The following UST variants were observed in gnomAD, a reference collection of about 807,000 sequenced individuals.
UST encodes chondroitin sulfate 2-O-sulfotransferase.
UST carries 21 observed loss-of-function variants against 45.6 expected under a neutral mutation model. The observed-to-expected ratio is 0.46, with a 90% CI of 0.33 to 0.66. The LOEUF (loss-of-function observed/expected upper bound fraction) is 0.66, where lower values mean the gene tolerates loss of function less well. UST is among the 30% of genes least tolerant of loss of function. The pLI, the probability that UST is intolerant of heterozygous loss-of-function variation, is 0.02. For synonymous variants in UST, 215 were observed against 200.6 expected, an observed-to-expected ratio of 1.07 and a Z score of -0.61; for missense variants, 463 against 512.4, an observed-to-expected ratio of 0.90 and a Z score of 0.93.
rs575784253 is a variant in UST, at chr6:148,953,597, T to C, written c.448-275T>C. The stretch of plus-strand genomic sequence containing the variant: ...GAAGTTCGAGACCACGGTGAAACCC[T>C]GTCTCTACTAAAAAATACAAAAAAT... On this transcript the variant is annotated intron_variant, in intron 3 of 7. Transcript: ENST00000367463. Among the ~76,000 whole-genome samples the C allele has an allele frequency of 7.2e-5, 11 of 152,106 alleles. No homozygotes were observed. In the South Asian group the frequency reaches 1.9e-3, roughly 26 times the overall value.
chr6:148,994,757 G>C (rs1485225062), intron 5 of UST, among the ~76,000 whole-genome samples: 1 of 152,022 alleles, frequency 6.6e-6, no homozygotes, highest in Non-Finnish European at 1.5e-5. Flanking sequence ...CCCCCACCAG[G>C]CTCTTTTCCT....
At chr6:148,984,739 C>T (rs1377490181) in intron 5 of UST, among the ~76,000 whole-genome samples, 1 of 152,154 alleles carries the variant, frequency 6.6e-6, no homozygotes, top group South Asian at 2.1e-4. Context: ...TGACTCCTGG[C>T]CTTGAGCCAT....
At chr6:148,937,107 A>T (rs951929751) in intron 2 of UST, among the ~76,000 whole-genome samples, 8 of 152,232 alleles carry the variant, frequency 5.3e-5, no homozygotes, top group Admixed American at 4.6e-4. Context: ...GTTTCAATGC[A>T]TTACATAGGT....
intron 1 of UST, among the ~76,000 whole-genome samples, chr6:148,819,761 C>T (rs1582831542): frequency 6.6e-6 from 1 of 152,156 alleles, no homozygotes; most frequent in African/African-American, 2.4e-5. Context: ...TCTCTTCTTT[C>T]ATTGTACCAA....
chr6:148,846,091 T>C (rs1777982609), intron 1 of UST, among the ~76,000 whole-genome samples: 1 of 150,430 alleles, frequency 6.6e-6, no homozygotes, highest in Non-Finnish European at 1.5e-5. Flanking sequence ...GCCATCCCAT[T>C]ACTGGGTATA....
At chr6:148,908,193 G>A (rs528326378) in intron 2 of UST, among the ~76,000 whole-genome samples, 24 of 152,146 alleles carry the variant, frequency 1.6e-4, no homozygotes, top group African/African-American at 5.1e-4. Context: ...CATTTGGCTC[G>A]AGTCAAATCA....
chr6:148,888,043 AC>A (rs752253884), intron 2 of UST, among the ~76,000 whole-genome samples: 16 of 152,192 alleles, frequency 1.1e-4, no homozygotes, highest in Admixed American at 2.0e-4. Context: ...ATAAAGAAAT[AC>A]CCGAGACTGG....
chr6:148,807,989 T>C (rs984169960), intron 1 of UST, among the ~76,000 whole-genome samples: 2 of 152,170 alleles, frequency 1.3e-5, no homozygotes, highest in Non-Finnish European at 2.9e-5. Flanking sequence ...CAATGAATAC[T>C]TAACTGTAGG....
intron 2 of UST, among the ~76,000 whole-genome samples, chr6:148,928,213 A>G (rs1417032823): frequency 6.6e-6 from 1 of 151,944 alleles, no homozygotes; most frequent in Non-Finnish European, 1.5e-5. Flanking sequence ...TCTTGCCCTC[A>G]TTTTAAACTT....
chr6:148,858,667 G>T (rs1229891540), intron 1 of UST, among the ~76,000 whole-genome samples: 1 of 151,946 alleles, frequency 6.6e-6, no homozygotes, highest in African/African-American at 2.4e-5. Flanking sequence ...CCCACAACAG[G>T]CCCGGGCGTG....
intron 1 of UST, among the ~76,000 whole-genome samples, chr6:148,880,123 T>G (rs1408636401): frequency 6.7e-6 from 1 of 149,754 alleles, no homozygotes; most frequent in African/African-American, 2.5e-5. Context: ...CTCAGCTAAT[T>G]TTTGTATTTT....
intron 1 of UST, among the ~76,000 whole-genome samples, chr6:148,760,694 C>G (rs1776199554): frequency 6.6e-6 from 1 of 151,406 alleles, no homozygotes; most frequent in Non-Finnish European, 1.5e-5. Context: ...CAGTAACACC[C>G]CATAACCATA....
At chr6:148,879,968 G>A in intron 1 of UST, among the ~76,000 whole-genome samples, 1 of 33,172 alleles carries the variant, frequency 3.0e-5, no homozygotes, top group South Asian at 1.0e-3. Flanking sequence ...TTTTTTTTTT[G>A]ACAAGGTCTT....
At chr6:148,871,349 A>G (rs1330264621) in intron 1 of UST, among the ~76,000 whole-genome samples, 2 of 152,140 alleles carry the variant, frequency 1.3e-5, no homozygotes, top group African/African-American at 4.8e-5. Context: ...ACAGCAGTCC[A>G]AACTAAGACT....
intron 2 of UST, among the ~76,000 whole-genome samples, chr6:148,917,586 TC>T (rs983264938): frequency 3.3e-5 from 5 of 152,180 alleles, no homozygotes; most frequent in African/African-American, 7.2e-5. Context: ...TTAACCTGTG[TC>T]CCCAGTGACT....
chr6:149,016,559 A>T (rs1562330279), intron 5 of UST, among the ~76,000 whole-genome samples: 1 of 152,202 alleles, frequency 6.6e-6, no homozygotes, highest in Non-Finnish European at 1.5e-5. Flanking sequence ...CTGGAGATGC[A>T]GTGAACAGTC....
intron 5 of UST, chr6:149,005,452 G>A: frequency 1.4e-5 from 14 of 985,440 alleles, no homozygotes; most frequent in Non-Finnish European, 1.7e-5. Context: ...AACCTCAGCA[G>A]TGTCTCTCTG....
At chr6:149,021,790 C>A (rs754901685) in intron 7 of UST, among the ~76,000 whole-genome samples, 1 of 152,158 alleles carries the variant, frequency 6.6e-6, no homozygotes, top group East Asian at 1.9e-4. Context: ...CTGAAACTGG[C>A]AACATTTTCC....
chr6:148,793,517 C>G (rs763778009), intron 1 of UST, among the ~76,000 whole-genome samples: 1 of 152,132 alleles, frequency 6.6e-6, no homozygotes, highest in Non-Finnish European at 1.5e-5. Context: ...TGTTGCTTAA[C>G]GATGGGAACA....
Sources: gnomAD v4.1 joint callset for allele counts (sites outside exome capture counted in the v4.1 genomes callset) on GRCh38, gnomAD v4.1.1 for gene constraint, MANE v1.5 for transcripts, NCBI Gene and HGNC (gene_info 2026-07-23, HGNC 2026-07-21) for gene names.